DLG2: variants seen among roughly 807,000 people sequenced by gnomAD.
DLG2 encodes the protein discs large MAGUK scaffold protein 2.
Under a neutral mutation model 132.5 loss-of-function variants are expected in DLG2, and 45 were observed. The observed-to-expected ratio is 0.34, with a 90% CI of 0.27 to 0.44. The LOEUF (loss-of-function observed/expected upper bound fraction) is 0.44. Among genes scored for constraint, DLG2 ranks in the 20% least tolerant of loss-of-function variants. The pLI, the probability that DLG2 is intolerant of heterozygous loss-of-function variation, is 1.00. For synonymous variants in DLG2, 424 were observed against 419.6 expected, an observed-to-expected ratio of 1.01 and a Z score of -0.13; for missense variants, 1,045 against 1,196.9, an observed-to-expected ratio of 0.87 and a Z score of 1.87.
chr11:85,391,038 A>C (rs2086754424), intron 3 of DLG2, among the ~76,000 whole-genome samples: 1 of 152,104 alleles, frequency 6.6e-6, no homozygotes, highest in Non-Finnish European at 1.5e-5. Flanking sequence ...ATAGACTATT[A>C]GCAAGATTAA....
intron 3 of DLG2, among the ~76,000 whole-genome samples, chr11:85,419,998 G>A (rs1359479322): frequency 6.6e-6 from 1 of 152,290 alleles, no homozygotes; most frequent in Admixed American, 6.5e-5. Context: ...GTGATCCTTT[G>A]GAGGTGAAGA....
chr11:83,470,766 C>T (rs1288790666), intron 24 of DLG2, among the ~76,000 whole-genome samples: 2 of 152,078 alleles, frequency 1.3e-5, no homozygotes, highest in African/African-American at 4.8e-5. Context: ...TCTTAAGTAT[C>T]TCATGTAAAA....
chr11:83,787,314 T>TG (rs2040228391), intron 17 of DLG2, among the ~76,000 whole-genome samples: 1 of 88,684 alleles, frequency 1.1e-5, no homozygotes, highest in Admixed American at 9.7e-5. Flanking sequence ...TAAGCCTTGT[T>TG]TTTTTTTTGT....
At chr11:84,433,198 T>C (rs1345050868) in intron 7 of DLG2, among the ~76,000 whole-genome samples, 3 of 152,118 alleles carry the variant, frequency 2.0e-5, no homozygotes, top group African/African-American at 7.2e-5. Flanking sequence ...TTTCATAATG[T>C]GCACTAAAAA....
chr11:84,442,251 C>T (rs1382809482), intron 7 of DLG2, among the ~76,000 whole-genome samples: 4 of 152,062 alleles, frequency 2.6e-5, no homozygotes, highest in East Asian at 3.9e-4. Context: ...CTGTCCATGA[C>T]CATGGAATGT....
In DLG2 at chr11:84,186,409, T is replaced by C. The variant is rs762383972; in HGVS notation, c.574-22898A>G. ...AGAGCTGGAGCGGCTATACTGATAT[T>C]AGACAACTTAGAATTTAGGACAAAA... On this transcript the variant is annotated intron_variant, in intron 8 of 27. Coordinates refer to ENST00000376104, the MANE Select transcript of DLG2 (RefSeq NM_001142699.3). 7.2e-5 allele frequency among the ~76,000 whole-genome samples: 11 copies of C among 152,136 alleles called. No individual in the cohort carries two copies. The South Asian group carries it at 2.3e-3, about 31-fold the overall frequency.
intron 22 of DLG2, among the ~76,000 whole-genome samples, chr11:83,476,547 T>C (rs2092630737): frequency 6.6e-6 from 1 of 152,166 alleles, no homozygotes; most frequent in South Asian, 2.1e-4. Context: ...CTCCATAGGA[T>C]GTTCAGAAGA....
intron 6 of DLG2, among the ~76,000 whole-genome samples, chr11:84,678,081 T>A (rs1037303669): frequency 6.6e-6 from 1 of 152,018 alleles, no homozygotes; most frequent in African/African-American, 2.4e-5. Flanking sequence ...CCCTGAAGAT[T>A]CATTAAAAGA....
At chr11:85,055,570 GTT>G (rs1375608952) in intron 6 of DLG2, among the ~76,000 whole-genome samples, 1 of 152,128 alleles carries the variant, frequency 6.6e-6, no homozygotes. Context: ...AAAAATTAGG[GTT>G]CAGGGTTGAA....
intron 6 of DLG2, among the ~76,000 whole-genome samples, chr11:84,792,085 T>C (rs2073931664): frequency 6.6e-6 from 1 of 152,206 alleles, no homozygotes; most frequent in South Asian, 2.1e-4. Flanking sequence ...TATATGACTT[T>C]TATTATGTTG....
At chr11:84,559,555 A>G (rs1221496574) in intron 6 of DLG2, among the ~76,000 whole-genome samples, 3 of 152,178 alleles carry the variant, frequency 2.0e-5, no homozygotes, top group Non-Finnish European at 4.4e-5. Context: ...TTATAATATA[A>G]TAAGCATATA....
At chr11:84,524,348 T>C (rs948319877) in intron 7 of DLG2, among the ~76,000 whole-genome samples, 2 of 152,244 alleles carry the variant, frequency 1.3e-5, no homozygotes, top group African/African-American at 2.4e-5. Context: ...GCCAGAATTA[T>C]TGGGGGTATG....
At chr11:85,585,762 GGA>G (rs1214904097) in intron 3 of DLG2, among the ~76,000 whole-genome samples, 1 of 150,838 alleles carries the variant, frequency 6.6e-6, no homozygotes, top group African/African-American at 2.5e-5. Flanking sequence ...CACCCAGGCT[GGA>G]GTGCAGTGGC....
rs546709193 is a variant in DLG2 at position 84,706,343 on chromosome 11, G to C, written c.358-171612C>G. Among the ~76,000 whole-genome samples the C allele has an allele frequency of 3.9e-5, 6 of 151,908 alleles. No individual in the cohort carries two copies. The South Asian group carries it at 1.2e-3, about 31-fold the overall frequency. The stretch of plus-strand genomic sequence containing the variant: ...GTGCTTTGGGGGCTCTGAAAAGCCA[G>C]ATTATATACAAGGAAAGATTTCAAA... On this transcript the variant is annotated intron_variant, in intron 6 of 27. Coordinates refer to ENST00000376104, the MANE Select transcript of DLG2 (RefSeq NM_001142699.3).
intron 6 of DLG2, among the ~76,000 whole-genome samples, chr11:84,843,284 T>C (rs181750385): frequency 4.8e-5 from 7 of 145,944 alleles, no homozygotes; most frequent in Admixed American, 2.1e-4. Context: ...ACCTTAATAG[T>C]ACTGTTAAAA....
intron 18 of DLG2, among the ~76,000 whole-genome samples, chr11:83,772,733 T>A (rs993644834): frequency 6.6e-6 from 1 of 152,246 alleles, no homozygotes; most frequent in Non-Finnish European, 1.5e-5. Flanking sequence ...GTTTCATTCC[T>A]TAACTCCCCA....
At chr11:84,143,529 C>G (rs1206324033) in intron 9 of DLG2, among the ~76,000 whole-genome samples, 4 of 152,130 alleles carry the variant, frequency 2.6e-5, no homozygotes, top group Non-Finnish European at 5.9e-5. Flanking sequence ...TGCCTATTTT[C>G]ATAATACATA....
intron 17 of DLG2, chr11:83,790,109 G>A: frequency 1.1e-6 from 1 of 945,766 alleles, no homozygotes. Flanking sequence ...CCGAGACACT[G>A]GCTTGGCCAG....
chr11:83,782,404 C>A (rs75565747), intron 18 of DLG2, among the ~76,000 whole-genome samples: 1 of 152,158 alleles, frequency 6.6e-6, no homozygotes, highest in Admixed American at 6.5e-5. Context: ...TCTATCACAG[C>A]TCCTAGTGCT....
Sources: gnomAD v4.1 joint callset for allele counts (sites outside exome capture counted in the v4.1 genomes callset) on GRCh38, gnomAD v4.1.1 for gene constraint, MANE v1.5 for transcripts, NCBI Gene and HGNC (gene_info 2026-07-23, HGNC 2026-07-21) for gene names.